IRF1: variants seen among roughly 807,000 people sequenced by gnomAD.
IRF1 encodes interferon regulatory factor-1.
IRF1 carries 13 observed loss-of-function variants against 43.7 expected under a neutral mutation model. The observed-to-expected ratio is 0.30, with a 90% CI of 0.19 to 0.47. IRF1 has a LOEUF of 0.47. Ranked by LOEUF, IRF1 falls within the 20% of genes least tolerant of loss-of-function variation. The pLI is 0.99. For missense variants in IRF1, 236 were observed against 408.9 expected, an observed-to-expected ratio of 0.58 and a Z score of 3.65; for synonymous variants, 138 against 146.8, an observed-to-expected ratio of 0.94 and a Z score of 0.43.
intron 1 of IRF1, chr5:132,489,698 C>A (rs569965236): frequency 3.6e-4 from 179 of 500,608 alleles, no homozygotes; most frequent in African/African-American, 1.8e-3. Context: ...TCCTTCAGCC[C>A]CTCCCAGCCA....
In IRF1 at chr5:132,482,649, C is replaced by T. The variant is rs562725534; in HGVS notation, c.*1302G>A. 2.0e-5 allele frequency: 3 copies of T among 146,804 alleles called. No individual in the cohort carries two copies. The highest frequency in any genetic ancestry group is 2.1e-4 in the East Asian group (1 of 4,878). 9.1% of individuals were successfully genotyped at this position (146,804 alleles called of 1,614,324 possible). Reference sequence around the variant, plus strand: ...GATTACAGGCATAAGCCACCATGCCCGGCCAAATGAAAGGTTTTTTTTTTT... The same window carrying T: ...GATTACAGGCATAAGCCACCATGCCTGGCCAAATGAAAGGTTTTTTTTTTT... On this transcript the variant is annotated 3_prime_UTR_variant, in exon 10 of 10. Transcript: ENST00000245414.
chr5:132,486,446 C>T, intron 6 of IRF1, 73 bp from the exon 7 acceptor site: 1 of 1,610,196 alleles, frequency 6.2e-7, no homozygotes, highest in Non-Finnish European at 8.5e-7. Flanking sequence ...CGCCCTCCGA[C>T]CAACCCTGCA....
At chr5:132,485,812 GTC>G in intron 7 of IRF1, 96 bp from the exon 8 acceptor site, 5 of 750,440 alleles carry the variant, frequency 6.7e-6, no homozygotes, top group Non-Finnish European at 1.2e-5. Context: ...CCCTTTCTCT[GTC>G]TCTCTGTCTC....
intron 9 of IRF1, 109 bp downstream of exon 9, chr5:132,484,253 T>C (rs1296538761): frequency 6.8e-7 from 1 of 1,461,804 alleles, no homozygotes; most frequent in Admixed American, 1.9e-5. Context: ...AATGTGTCAG[T>C]ACCCCAGATG....
Position 132,484,229 on chromosome 5 carries a change from C to A in IRF1, c.853+133G>T, listed in dbSNP as rs2070729. ...CAGGCAAACCTTAAGGCATGGCAGCCGTAGCTAATTCACAATGTGTCAGTA... is the reference window on the plus strand; with the variant it reads ...CAGGCAAACCTTAAGGCATGGCAGCAGTAGCTAATTCACAATGTGTCAGTA... On this transcript the variant is annotated intron_variant, in intron 9 of 9. Coordinates refer to ENST00000245414, the MANE Select transcript of IRF1 (RefSeq NM_002198.3). 0.47 allele frequency: 658,935 copies of A among 1,411,578 alleles called. 158,672 individuals carry two copies. The highest frequency in any genetic ancestry group is 0.69 in the East Asian group (30,187 of 43,492). The allele number at this position is 1,411,578 out of a possible 1,614,324, so 87.4% of individuals were successfully genotyped here.
At position 132,483,833 on chromosome 5, in the gene IRF1, G is replaced by T; in HGVS notation, c.*118C>A. ...AGGAGGGAGGCCCCATCCCCACTTGGCAGTGGGGTCACACTTGGCTGTTGA... is the reference window on the plus strand; with the variant it reads ...AGGAGGGAGGCCCCATCCCCACTTGTCAGTGGGGTCACACTTGGCTGTTGA... On this transcript the variant is annotated 3_prime_UTR_variant, in exon 10 of 10. Transcript: ENST00000245414. The T allele has an allele frequency of 1.6e-6, 2 of 1,276,450 alleles. No homozygotes were observed. The highest frequency in any genetic ancestry group is 2.2e-6 in the Non-Finnish European group (2 of 913,212). 79.1% of individuals were successfully genotyped at this position (1,276,450 alleles called of 1,614,324 possible). A position where few individuals can be genotyped will look rare whatever the true frequency, so the allele number is the denominator to read the frequency against.
Position 132,489,475 on chromosome 5 carries a change from G to C in IRF1, c.4C>G (p.Pro2Ala). Reference sequence around the variant, plus strand: ...GGTCTCATGCGCATCCGAGTGATGGGCATGTTGGCTGTAAAGAGAACACAG... The same window carrying C: ...GGTCTCATGCGCATCCGAGTGATGGCCATGTTGGCTGTAAAGAGAACACAG... M[P>A]ITRMRMRPWL... The change falls in exon 2 of 10, where the codon CCC (proline) becomes GCC (alanine). Residue 2 changes from proline to alanine, a missense_variant. Coordinates refer to ENST00000245414, the MANE Select transcript of IRF1 (RefSeq NM_002198.3). 6.2e-7 allele frequency: 1 copy of C among 1,613,556 alleles called. No homozygotes were observed. The highest frequency in any genetic ancestry group is 8.5e-7 in the Non-Finnish European group (1 of 1,179,518).
chr5:132,487,003 A>G lies in IRF1; in HGVS notation c.315T>C (p.Ala105=). 3 of 1,614,208 alleles carry G rather than the reference A, an allele frequency of 1.9e-6. No homozygotes were observed. Among genetic ancestry groups the G allele is most frequent in the Non-Finnish European group, 2.5e-6 (3 of 1,180,024 alleles). ...KDQSRNKGSS[A]VRVYRMLPPL... ...GTGGAAGCATCCGGTACACTCGCAC[A>G]GCTGAGCTGCCCTTGTTCCTGCTCT... The change falls in exon 4 of 10, where the codon GCT becomes GCC. Residue 105 remains alanine (A), a synonymous_variant. Transcript: ENST00000245414.
chr5:132,489,755 T>C (rs528456721), intron 1 of IRF1: 38 of 360,332 alleles, frequency 1.1e-4, no homozygotes, highest in Non-Finnish European at 1.8e-4. Context: ...AGGATTCATA[T>C]GCAGGAAAAG....
chr5:132,484,943 G>T (rs1014836700), intron 8 of IRF1: 12 of 157,438 alleles, frequency 7.6e-5, no homozygotes, highest in Non-Finnish European at 1.4e-4. Context: ...ATGGAGTTTT[G>T]CTCTTGTTGC....
chr5:132,483,855 T>G lies in IRF1; in HGVS notation c.*96A>C. On this transcript the variant is annotated 3_prime_UTR_variant, in exon 10 of 10. Transcript: ENST00000245414. ...TTGGCAGTGGGGTCACACTTGGCTG[T>G]TGAGGGGCCCACAGAAGTCCAGCTT... is the stretch of plus-strand genomic sequence containing the variant. 2 of 1,499,190 alleles carry G rather than the reference T, an allele frequency of 1.3e-6. No homozygotes were observed. Among genetic ancestry groups the G allele is most frequent in the Non-Finnish European group, 1.8e-6 (2 of 1,096,746 alleles). The allele number at this position is 1,499,190 out of a possible 1,614,324, so 92.9% of individuals were successfully genotyped here. A position where few individuals can be genotyped will look rare whatever the true frequency, so the allele number is the denominator to read the frequency against.
rs748326725 is a variant in IRF1 at position 132,485,662 on chromosome 5, T to A, written c.717+5A>T. On this transcript the variant is annotated splice_donor_5th_base_variant and intron_variant, in intron 8 of 9. Coordinates refer to ENST00000245414, the MANE Select transcript of IRF1 (RefSeq NM_002198.3). ...CAAGAGTGCCCAGGTAGGAAGGGGC[T>A]TTACCTTCATGATGTCCTCAGGTAA... 2 of 1,609,652 alleles carry A rather than the reference T, an allele frequency of 1.2e-6. No individual in the cohort carries two copies. Among genetic ancestry groups the A allele is most frequent in the Non-Finnish European group, 1.7e-6 (2 of 1,175,970 alleles).
At chr5:132,484,720 C>G in intron 8 of IRF1, 1 of 558,880 alleles carries the variant, frequency 1.8e-6, no homozygotes. Flanking sequence ...TCCCACCCCT[C>G]TCACACCCAC....
rs955113795 is a variant in IRF1 at position 132,488,149 on chromosome 5, T to G, written c.88-124A>C. 96 of 695,476 alleles carry G rather than the reference T, an allele frequency of 1.4e-4. No individual in the cohort carries two copies. In the African/African-American group the frequency reaches 1.8e-3, roughly 13 times the overall value. The allele number at this position is 695,476 out of a possible 1,614,324, so 43.1% of individuals were successfully genotyped here. On this transcript the variant is annotated intron_variant, in intron 2 of 9. Transcript: ENST00000245414. Reference sequence around the variant, plus strand: ...GAGAAAAGGCTGACTTCCCCTTTTTTCCCCTGACATCTGGCTTGGACACCC... The same window carrying G: ...GAGAAAAGGCTGACTTCCCCTTTTTGCCCCTGACATCTGGCTTGGACACCC...
chr5:132,486,476 C>T (rs763485830), intron 6 of IRF1, 81 bp downstream of exon 6: 1 of 1,611,052 alleles, frequency 6.2e-7, no homozygotes, highest in African/African-American at 1.3e-5. Flanking sequence ...AATGGGCCAC[C>T]ATGTGCCAGC....
chr5:132,484,500 G>A lies in IRF1; in HGVS notation c.718-3C>T, dbSNP rs1208993028. The A allele has an allele frequency of 6.2e-7, 1 of 1,614,010 alleles. No individual in the cohort carries two copies. Among genetic ancestry groups the A allele is most frequent in the African/African-American group, 1.3e-5 (1 of 74,926 alleles). On this transcript the variant is annotated splice_polypyrimidine_tract_variant and splice_region_variant and intron_variant, in intron 8 of 9. Transcript: ENST00000245414. ...TGCCACTCCGACTGCTCCAAGAGCT[G>A]GGGACAGAAGAGCAAGAGGCTATCA...
In IRF1 at chr5:132,485,694, T is replaced by C; in HGVS notation, c.690A>G (p.Glu230=). The C allele has an allele frequency of 6.2e-7, 1 of 1,613,238 alleles. No homozygotes were observed. Among genetic ancestry groups the C allele is most frequent in the Non-Finnish European group, 8.5e-7 (1 of 1,179,642 alleles). ...TCATGATGTCCTCAGGTAATTTCCC[T>C]TCCTCATCCTCATCTGTTGTAGCTG... ...TSEATTDEDE[E]GKLPEDIMKL... is the part of the protein sequence containing the mutation. The change falls in exon 8 of 10, where the codon GAA becomes GAG. Residue 230 remains glutamate (E), a synonymous_variant. Transcript: ENST00000245414.
At chr5:132,487,282 C>A in intron 3 of IRF1, 152 bp from the exon 4 acceptor site, 9 of 746,352 alleles carry the variant, frequency 1.2e-5, no homozygotes, top group Middle Eastern at 3.6e-4. Flanking sequence ...CGGTGACACT[C>A]TGCAGGTCCT....
rs907649005 is a variant in IRF1, at chr5:132,481,839, T to C, written c.*2112A>G. Reference sequence around the variant, plus strand: ...GACTGTTCTGTCTGTGACTGTGTCATATCAACTGACTTTTTGGAGCAGCAT... The same window carrying C: ...GACTGTTCTGTCTGTGACTGTGTCACATCAACTGACTTTTTGGAGCAGCAT... On this transcript the variant is annotated 3_prime_UTR_variant, in exon 10 of 10. Transcript: ENST00000245414. 4.6e-5 allele frequency: 7 copies of C among 152,378 alleles called. No individual in the cohort carries two copies. The highest frequency in any genetic ancestry group is 1.9e-4 in the East Asian group (1 of 5,336). 9.4% of individuals were successfully genotyped at this position (152,378 alleles called of 1,614,324 possible).
Sources: allele counts gnomAD v4.1 joint callset, GRCh38; gene constraint gnomAD v4.1.1; transcripts MANE v1.5; gene names NCBI Gene and HGNC (gene_info 2026-07-23, HGNC 2026-07-21).